The following ABLIM2 variants were observed in gnomAD, a reference collection of about 807,000 sequenced individuals.
ABLIM2 encodes actin-binding LIM protein 2.
ABLIM2 carries 53 observed loss-of-function variants against 97.7 expected under a neutral mutation model. The ratio of observed to expected loss-of-function variants is 0.54; its 90% CI spans 0.44 to 0.68. ABLIM2 has a LOEUF of 0.68. Ranked by LOEUF, ABLIM2 falls within the 30% of genes least tolerant of loss-of-function variation. ABLIM2 has a pLI of 0.00. For missense variants in ABLIM2, 835 were observed against 867.2 expected, an observed-to-expected ratio of 0.96 and a Z score of 0.47; for synonymous variants, 361 against 345.8, an observed-to-expected ratio of 1.04 and a Z score of -0.49.
intron 3 of ABLIM2, among the ~76,000 whole-genome samples, chr4:8,090,512 G>A (rs180975043): frequency 6.6e-6 from 1 of 152,202 alleles, no homozygotes; most frequent in Admixed American, 6.5e-5. Context: ...GAGGTACCTT[G>A]TGACAAATGT....
chr4:8,043,043 C>T lies in ABLIM2; in HGVS notation c.900+2121G>A, dbSNP rs1579568413. On this transcript the variant is annotated intron_variant, in intron 9 of 20. Transcript: ENST00000447017. The surrounding 1 kb of genome is among the most constrained non-coding windows in gnomAD (Gnocchi z 4.8). ...GTGCATGCCTGTAGTCCCAGCTACTCGGGATGCTGAGGTGGGAGGATCGCC... is the reference window on the plus strand; with the variant it reads ...GTGCATGCCTGTAGTCCCAGCTACTTGGGATGCTGAGGTGGGAGGATCGCC... Among the ~76,000 whole-genome samples the T allele has an allele frequency of 1.3e-5, 2 of 151,632 alleles. No homozygotes were observed. Among genetic ancestry groups the T allele is most frequent in the South Asian group, 2.1e-4 (1 of 4,774 alleles).
At chr4:8,079,054 C>T (rs992080635) in intron 5 of ABLIM2, among the ~76,000 whole-genome samples, 1 of 152,266 alleles carries the variant, frequency 6.6e-6, no homozygotes, top group Non-Finnish European at 1.5e-5. Context: ...TGCTAGGTCC[C>T]CAGGATGTGG....
chr4:8,020,134 G>C, intron 13 of ABLIM2, 68 bp downstream of exon 13: 1 of 1,431,862 alleles, frequency 7.0e-7, no homozygotes, highest in Non-Finnish European at 9.6e-7. Flanking sequence ...CTGACAGTTT[G>C]GGTGTGGCCA....
intron 1 of ABLIM2, among the ~76,000 whole-genome samples, chr4:8,141,542 T>C (rs190617856): frequency 1.2e-4 from 19 of 152,358 alleles, no homozygotes; most frequent in Admixed American, 9.8e-4. Flanking sequence ...AAGCAGACTA[T>C]GCTTTTTTAT....
intron 1 of ABLIM2, among the ~76,000 whole-genome samples, chr4:8,114,619 C>T (rs770758054): frequency 1.3e-5 from 2 of 152,146 alleles, no homozygotes; most frequent in Admixed American, 6.5e-5. Context: ...GAACCGAGGA[C>T]GCTGCTCTCT....
intron 6 of ABLIM2, among the ~76,000 whole-genome samples, chr4:8,073,352 G>A (rs1311453766): frequency 2.6e-5 from 4 of 151,276 alleles, no homozygotes; most frequent in Non-Finnish European, 5.9e-5. Context: ...AGACAAGGCC[G>A]CTGTGTGGGC....
chr4:7,998,633 G>A lies in ABLIM2; in HGVS notation c.1619-5706C>T, dbSNP rs372199514. 16 of 507,494 alleles carry A rather than the reference G, an allele frequency of 3.2e-5. No homozygotes were observed. The highest frequency in any genetic ancestry group is 2.5e-4 in the African/African-American group (13 of 51,694). The allele number at this position is 507,494 out of a possible 1,614,324, so 31.4% of individuals were successfully genotyped here. On this transcript the variant is annotated intron_variant, in intron 16 of 20. Coordinates refer to ENST00000447017, the MANE Select transcript of ABLIM2 (RefSeq NM_001130083.2). The surrounding 1 kb of genome is among the most constrained non-coding windows in gnomAD (Gnocchi z 6.4). Reference sequence around the variant, plus strand: ...CACCTGCCCATCTGCTAGTGTGGCTGCAGGAGGAAAACACCTGCCTCGTCA... The same window carrying A: ...CACCTGCCCATCTGCTAGTGTGGCTACAGGAGGAAAACACCTGCCTCGTCA...
In ABLIM2 at chr4:8,122,573, A is replaced by T. The variant is rs904910841; in HGVS notation, c.11-15936T>A. Among the ~76,000 whole-genome samples, 1 of 152,092 alleles carries T rather than the reference A, an allele frequency of 6.6e-6. No homozygotes were observed. Among genetic ancestry groups the T allele is most frequent in the African/African-American group, 2.4e-5 (1 of 41,438 alleles). On this transcript the variant is annotated intron_variant, in intron 1 of 20. Coordinates refer to ENST00000447017, the MANE Select transcript of ABLIM2 (RefSeq NM_001130083.2). The surrounding 1 kb of genome is among the most constrained non-coding windows in gnomAD (Gnocchi z 4.1). ...ATGAGGACCCCACCCTCACGACCTC[A>T]TCTAAACCCCATCACCTCCCCAAGG...
intron 6 of ABLIM2, among the ~76,000 whole-genome samples, chr4:8,073,186 CGGCTGGACCCAGGCACAGGCGT>C (rs1813530326): frequency 6.7e-6 from 1 of 148,510 alleles, no homozygotes; most frequent in African/African-American, 2.5e-5. Context: ...ATGGCCAGAG[CGGCTGGACCCAGGCACAGGCGT>C]GGTAGGGGTG....
chr4:8,118,124 C>T lies in ABLIM2; in HGVS notation c.11-11487G>A, dbSNP rs369496416. ...CCCTGCCATCTGCGCAGGAAGGCTGCGGCTGTACTGAGCTTTTGGTGGTGT... is the reference window on the plus strand; with the variant it reads ...CCCTGCCATCTGCGCAGGAAGGCTGTGGCTGTACTGAGCTTTTGGTGGTGT... On this transcript the variant is annotated intron_variant, in intron 1 of 20. Transcript: ENST00000447017. 7.9e-5 allele frequency among the ~76,000 whole-genome samples: 12 copies of T among 152,348 alleles called. 1 individual carries two copies. In the East Asian group the frequency reaches 1.7e-3, roughly 22 times the overall value.
intron 20 of ABLIM2, among the ~76,000 whole-genome samples, chr4:7,975,001 T>C (rs1731790627): frequency 6.6e-6 from 1 of 152,204 alleles, no homozygotes; most frequent in South Asian, 2.1e-4. Context: ...GGAGGATCAC[T>C]TGAGCCCAGG....
chr4:8,051,035 G>A (rs1480297606), intron 8 of ABLIM2, among the ~76,000 whole-genome samples: 4 of 152,256 alleles, frequency 2.6e-5, no homozygotes, highest in South Asian at 2.1e-4. Context: ...CCAGTGACCC[G>A]GAGGTCAGCA....
At chr4:8,077,506 G>C (rs1390652791) in intron 6 of ABLIM2, 122 bp downstream of exon 6, 2 of 967,802 alleles carry the variant, frequency 2.1e-6, no homozygotes, top group Non-Finnish European at 3.1e-6. Flanking sequence ...GGCAGGAATA[G>C]GGAGGTGAAG....
chr4:8,051,679 G>A (rs1796145756), intron 8 of ABLIM2, among the ~76,000 whole-genome samples: 1 of 152,158 alleles, frequency 6.6e-6, no homozygotes, highest in African/African-American at 2.4e-5. Context: ...GGCACCGTTT[G>A]ATATGCAAAT....
In ABLIM2 at chr4:8,003,565, T is replaced by TC. The variant is rs943326354; in HGVS notation, c.1618+4493_1618+4494insG. Reference sequence around the variant, plus strand: ...CTACGCTCTTCTTCCAGTTTTCTTTTTTTTTTTTTTTTTTTTTGGAGATGG... The same window carrying TC: ...CTACGCTCTTCTTCCAGTTTTCTTTTCTTTTTTTTTTTTTTTTTGGAGATGG... On this transcript the variant is annotated intron_variant, in intron 16 of 20. Transcript: ENST00000447017. This position sits in a 1 kb window ranked among gnomAD's most constrained non-coding sequence, Gnocchi z 4.2. 9.0e-5 allele frequency among the ~76,000 whole-genome samples: 13 copies of TC among 145,060 alleles called. No individual in the cohort carries two copies. Among genetic ancestry groups the TC allele is most frequent in the African/African-American group, 3.0e-4 (11 of 36,920 alleles).
rs1359352999 is a variant in ABLIM2 at position 8,044,515 on chromosome 4, T to C, written c.900+649A>G. Among the ~76,000 whole-genome samples, 1 of 151,982 alleles carries C rather than the reference T, an allele frequency of 6.6e-6. No homozygotes were observed. On this transcript the variant is annotated intron_variant, in intron 9 of 20. Transcript: ENST00000447017. The surrounding 1 kb of genome is among the most constrained non-coding windows in gnomAD (Gnocchi z 4.4). ...AATATACAATATTAAATGTATTAAA[T>C]ATTAAATAGAATAATCTCCCATCTC...
chr4:8,104,958 T>A (rs895232170), intron 2 of ABLIM2, among the ~76,000 whole-genome samples: 60 of 152,140 alleles, frequency 3.9e-4, no homozygotes, highest in African/African-American at 1.4e-3. Context: ...GCTCCCCTCC[T>A]GCTCCCACTC....
At chr4:7,988,283 A>G (rs1280303249) in intron 17 of ABLIM2, among the ~76,000 whole-genome samples, 1 of 152,178 alleles carries the variant, frequency 6.6e-6, no homozygotes, top group Non-Finnish European at 1.5e-5. Flanking sequence ...TTGGCCTCCC[A>G]AAGTGCTGGG....
At position 8,128,379 on chromosome 4, in the gene ABLIM2, T is replaced by A. The variant is rs1274914959; in HGVS notation, c.11-21742A>T. Among the ~76,000 whole-genome samples the A allele has an allele frequency of 1.3e-5, 2 of 152,054 alleles. No individual in the cohort carries two copies. Among genetic ancestry groups the A allele is most frequent in the East Asian group, 1.9e-4 (1 of 5,184 alleles). On this transcript the variant is annotated intron_variant, in intron 1 of 20. Transcript: ENST00000447017. This position sits in a 1 kb window ranked among gnomAD's most constrained non-coding sequence, Gnocchi z 4.9. ...CGTGTCTCTATCTAGCGAATCAGAG[T>A]CCAGCACCCCGTCATAGGATGCGTT...
Sources: gnomAD v4.1 joint callset for allele counts (sites outside exome capture counted in the v4.1 genomes callset) on GRCh38, gnomAD v4.1.1 for gene constraint, Gnocchi (gnomAD v3.1) non-coding constraint, MANE v1.5 for transcripts, NCBI Gene and HGNC (gene_info 2026-07-23, HGNC 2026-07-21) for gene names.